PER3: variants seen among roughly 807,000 people sequenced by gnomAD.
PER3 encodes period circadian protein homolog 3.
PER3 carries 107 observed loss-of-function variants against 127.2 expected under a neutral mutation model. The ratio of observed to expected loss-of-function variants is 0.84; its 90% CI spans 0.72 to 0.99. The LOEUF (loss-of-function observed/expected upper bound fraction) is 0.99, where lower values mean the gene tolerates loss of function less well. Ranked by LOEUF, PER3 falls within the 50% of genes least tolerant of loss-of-function variation. The probability of loss-of-function intolerance (pLI) is 0.00; values close to 1 mark genes in which losing one functional copy is unlikely to be tolerated. For synonymous variants in PER3, 618 were observed against 585.8 expected, an observed-to-expected ratio of 1.05 and a Z score of -0.79; for missense variants, 1,560 against 1,525.8, an observed-to-expected ratio of 1.02 and a Z score of -0.37.
intron 20 of PER3, 135 bp from the exon 21 acceptor site, chr1:7,836,862 ATT>A (rs2097360977): frequency 1.5e-5 from 8 of 543,414 alleles, no homozygotes; most frequent in Non-Finnish European, 2.2e-5. Flanking sequence ...TGATCTAGTT[ATT>A]TTTTTAATGT....
At chr1:7,790,079 A>T (rs1280129987) in intron 5 of PER3, among the ~76,000 whole-genome samples, 1 of 151,996 alleles carries the variant, frequency 6.6e-6, no homozygotes, top group African/African-American at 2.4e-5. Flanking sequence ...GGTCTTTCCC[A>T]TTTTTTCCCC....
chr1:7,835,271 G>C (rs145236164), intron 19 of PER3, among the ~76,000 whole-genome samples: 1 of 152,082 alleles, frequency 6.6e-6, no homozygotes, highest in South Asian at 2.1e-4. Context: ...TATGTATTTG[G>C]CGACTTGGGT....
At chr1:7,809,751 C>T in intron 11 of PER3, 142 bp from the exon 12 acceptor site, 1 of 712,720 alleles carries the variant, frequency 1.4e-6, no homozygotes, top group Non-Finnish European at 2.3e-6. Flanking sequence ...TCAGCATCAG[C>T]ATTAAAAGTA....
intron 5 of PER3, 94 bp downstream of exon 5, chr1:7,788,340 C>T: frequency 1.2e-6 from 1 of 858,142 alleles, no homozygotes; most frequent in South Asian, 1.6e-5. Context: ...TTATTTAGAA[C>T]ATGCACACTA....
chr1:7,815,448 C>T (rs552206472), intron 13 of PER3, among the ~76,000 whole-genome samples: 1 of 152,214 alleles, frequency 6.6e-6, no homozygotes, highest in Admixed American at 6.5e-5. Flanking sequence ...AACTTCAGAA[C>T]AAGGAATGTT....
intron 1 of PER3, 120 bp downstream of exon 1, chr1:7,784,496 T>C (rs1481215961): frequency 6.2e-6 from 1 of 160,062 alleles, no homozygotes; most frequent in Admixed American, 6.5e-5. Flanking sequence ...AGCGTGGCGC[T>C]TCCGAGCCAC....
chr1:7,785,890 T>G lies in PER3; in HGVS notation c.274+304T>G, dbSNP rs573044499. On this transcript the variant is annotated intron_variant, in intron 3 of 21. Coordinates refer to ENST00000377532, the MANE Select transcript of PER3 (RefSeq NM_001377275.1). ...CTGACCTTTTAAAGAAATATTGTCT[T>G]CTATGGAAGTTATGGGAAAAAAATG... Among the ~76,000 whole-genome samples, 3 of 152,348 alleles carry G rather than the reference T, an allele frequency of 2.0e-5. No individual in the cohort carries two copies. In the East Asian group the frequency reaches 5.8e-4, roughly 29 times the overall value.
In PER3 at chr1:7,843,851, G is replaced by GTGT; in HGVS notation, c.*1097_*1099dup. 1.8e-6 allele frequency: 2 copies of GTGT among 1,135,888 alleles called. No homozygotes were observed. The highest frequency in any genetic ancestry group is 2.3e-6 in the Non-Finnish European group (2 of 874,772). 70.4% of individuals were successfully genotyped at this position (1,135,888 alleles called of 1,614,324 possible). On this transcript the variant is annotated 3_prime_UTR_variant, in exon 22 of 22. Coordinates refer to ENST00000377532, the MANE Select transcript of PER3 (RefSeq NM_001377275.1). ...TGTAGTTGTGTCTTTTAAGAAGTGA[G>GTGT]TGTGATTGTTTACTTGATAAATCAG...
At chr1:7,830,996 C>G (rs2097329053) in intron 19 of PER3, among the ~76,000 whole-genome samples, 1 of 152,162 alleles carries the variant, frequency 6.6e-6, no homozygotes, top group African/African-American at 2.4e-5. Flanking sequence ...TTCTCAGTTT[C>G]TACAAAAAAG....
chr1:7,840,426 C>T (rs187384459), intron 21 of PER3, among the ~76,000 whole-genome samples: 2 of 151,388 alleles, frequency 1.3e-5, no homozygotes, highest in African/African-American at 4.9e-5. Context: ...CTCCTGGGCT[C>T]AAGCAATCCT....
intron 10 of PER3, among the ~76,000 whole-genome samples, chr1:7,804,449 G>A (rs1205789899): frequency 2.0e-5 from 3 of 150,168 alleles, no homozygotes; most frequent in Admixed American, 6.7e-5. Flanking sequence ...GCCCAGGCTG[G>A]AGTGCAGTGA....
intron 5 of PER3, among the ~76,000 whole-genome samples, chr1:7,793,737 A>T (rs1328089363): frequency 1.3e-5 from 2 of 152,206 alleles, no homozygotes. Flanking sequence ...TCTCACTGTT[A>T]TACCTGAGGT....
intron 13 of PER3, 117 bp from the exon 14 acceptor site, chr1:7,819,168 T>G: frequency 1.3e-6 from 1 of 784,750 alleles, no homozygotes; most frequent in Non-Finnish European, 2.0e-6. Flanking sequence ...AATAGCCGCA[T>G]GATATTCTGT....
At chr1:7,796,067 T>C (rs1378275817) in intron 6 of PER3, among the ~76,000 whole-genome samples, 2 of 152,196 alleles carry the variant, frequency 1.3e-5, no homozygotes, top group Non-Finnish European at 2.9e-5. Flanking sequence ...CCTGTACCCT[T>C]GTGAGAGTGC....
At chr1:7,813,866 CAGAG>C (rs1577808962) in intron 13 of PER3, among the ~76,000 whole-genome samples, 1 of 152,178 alleles carries the variant, frequency 6.6e-6, no homozygotes, top group East Asian at 1.9e-4. Flanking sequence ...GAACAAGACT[CAGAG>C]AGGACACAGA....
chr1:7,838,269 T>C (rs1030127848), intron 21 of PER3, among the ~76,000 whole-genome samples: 1 of 152,182 alleles, frequency 6.6e-6, no homozygotes, highest in African/African-American at 2.4e-5. Context: ...GAATATTAAA[T>C]ATTTTCACAT....
chr1:7,828,113 G>A (rs576569170), intron 18 of PER3, among the ~76,000 whole-genome samples: 2 of 152,258 alleles, frequency 1.3e-5, no homozygotes, highest in Admixed American at 6.5e-5. Context: ...TTTAAAATTC[G>A]TTACAGGTAT....
chr1:7,798,716 G>C, intron 7 of PER3, 43 bp downstream of exon 7: 1 of 1,522,928 alleles, frequency 6.6e-7, no homozygotes, highest in African/African-American at 1.4e-5. Context: ...CAATCAGATA[G>C]GAACATGGGA....
chr1:7,816,059 A>C (rs2097249832), intron 13 of PER3, among the ~76,000 whole-genome samples: 1 of 151,094 alleles, frequency 6.6e-6, no homozygotes, highest in Admixed American at 6.6e-5. Context: ...AATATGTGGG[A>C]TATACCTAAA....
Sources: allele counts gnomAD v4.1 joint callset (sites outside exome capture counted in the v4.1 genomes callset), GRCh38; gene constraint gnomAD v4.1.1; transcripts MANE v1.5; gene names NCBI Gene and HGNC (gene_info 2026-07-23, HGNC 2026-07-21).